PCDHA7: variants seen among roughly 807,000 people sequenced by gnomAD.
PCDHA7 encodes the protein protocadherin alpha 7, also known as protocadherin alpha-7.
A neutral mutation model predicts 57.2 loss-of-function variants in PCDHA7; 37 were observed. The observed-to-expected ratio is 0.65, with a 90% CI of 0.50 to 0.85. The LOEUF is 0.85. PCDHA7 is among the 40% of genes least tolerant of loss of function. PCDHA7 has a pLI of 0.00. For missense variants in PCDHA7, 1,188 were observed against 1,241.8 expected (o/e 0.96, Z 0.65); for synonymous variants, 553 against 558.8 (o/e 0.99, Z 0.15).
intron 1 of PCDHA7, among the ~76,000 whole-genome samples, chr5:140,938,751 C>A (rs943916265): frequency 6.6e-6 from 1 of 151,978 alleles, no homozygotes; most frequent in Non-Finnish European, 1.5e-5. Flanking sequence ...TTTTTAAAGG[C>A]ATAGTTATTG....
At chr5:140,882,153 AAT>A in intron 1 of PCDHA7, 1 of 1,505,320 alleles carries the variant, frequency 6.6e-7, no homozygotes, top group South Asian at 1.4e-5. Context: ...CAGAAAGCGG[AAT>A]ACCTCTTGCG....
At chr5:140,876,956 T>A in intron 1 of PCDHA7, 1 of 1,613,342 alleles carries the variant, frequency 6.2e-7, no homozygotes, top group Non-Finnish European at 8.5e-7. Flanking sequence ...TACTCGCTGG[T>A]GGAGCGGCGG....
chr5:140,882,406 C>T, intron 1 of PCDHA7: 3 of 1,614,138 alleles, frequency 1.9e-6, no homozygotes, highest in Non-Finnish European at 2.5e-6. Context: ...CCTTCGTGGG[C>T]CGCATCGCTC....
At chr5:140,906,872 C>T (rs1421521976) in intron 1 of PCDHA7, among the ~76,000 whole-genome samples, 4 of 152,230 alleles carry the variant, frequency 2.6e-5, no homozygotes, top group African/African-American at 9.6e-5. Flanking sequence ...CCAGCCAACA[C>T]TGTAACTTCC....
intron 1 of PCDHA7, chr5:140,850,645 T>C: frequency 1.3e-6 from 2 of 1,598,542 alleles, no homozygotes; most frequent in South Asian, 1.1e-5. Context: ...ACGCTGCTGC[T>C]GTACACTGTG....
chr5:140,853,605 G>C lies in PCDHA7; in HGVS notation c.2355+16867G>C, dbSNP rs773791072. ...TCTTAGACACTTTGAGAGCAAAGGG[G>C]GTGCTGTAAATAAGTATACAAGATC... On this transcript the variant is annotated intron_variant, in intron 1 of 3. Coordinates refer to ENST00000525929, the MANE Select transcript of PCDHA7 (RefSeq NM_018910.3). The C allele has an allele frequency of 3.1e-5, 31 of 987,206 alleles. 2 individuals carry two copies. The highest frequency in any genetic ancestry group is 3.7e-5 in the Non-Finnish European group (30 of 819,622). The allele number at this position is 987,206 out of a possible 1,614,324, so 61.2% of individuals were successfully genotyped here.
chr5:140,888,487 ACT>A (rs1486157760), intron 1 of PCDHA7, among the ~76,000 whole-genome samples: 1 of 152,162 alleles, frequency 6.6e-6, no homozygotes, highest in Non-Finnish European at 1.5e-5. Flanking sequence ...CTGTTGAGAA[ACT>A]CTGCTTTAAA....
In PCDHA7 at chr5:140,857,333, G is replaced by A. The variant is rs200210897; in HGVS notation, c.2355+20595G>A. 35 of 1,598,586 alleles carry A rather than the reference G, an allele frequency of 2.2e-5. 1 individual carries two copies. The highest frequency in any genetic ancestry group is 4.4e-5 in the South Asian group (4 of 90,524). On this transcript the variant is annotated intron_variant, in intron 1 of 3. Coordinates refer to ENST00000525929, the MANE Select transcript of PCDHA7 (RefSeq NM_018910.3). ...TGAGCTGGTGGTGACCGCGCGGGAC[G>A]GGGGCTCGCCTCCGCTGTGGGCCAC... is the stretch of plus-strand genomic sequence containing the variant.
chr5:141,000,421 A>AT lies in PCDHA7; in HGVS notation c.2504-9183dup, dbSNP rs34755515. Reference sequence around the variant, plus strand: ...TATATATATATATATATATATATATATTTTTTTTTTTTTTTTTTTTTTTGA... The same window carrying AT: ...TATATATATATATATATATATATATATTTTTTTTTTTTTTTTTTTTTTTTGA... On this transcript the variant is annotated intron_variant, in intron 3 of 3. Transcript: ENST00000525929. 8.6e-3 allele frequency among the ~76,000 whole-genome samples: 241 copies of AT among 27,996 alleles called. 11 individuals carry two copies. The highest frequency in any genetic ancestry group is 9.4e-3 in the African/African-American group (53 of 5,644). The allele number at this position is 27,996 out of a possible 152,430, so 18.4% of individuals were successfully genotyped here.
At chr5:140,869,180 T>TG in intron 1 of PCDHA7, 1 of 1,613,322 alleles carries the variant, frequency 6.2e-7, no homozygotes. Context: ...TTCTGGGAGG[T>TG]GGGGAGCGGC....
intron 1 of PCDHA7, chr5:140,843,519 G>T (rs2150361744): frequency 6.3e-7 from 1 of 1,595,904 alleles, no homozygotes; most frequent in Non-Finnish European, 8.6e-7. Context: ...GGCGGGTGCC[G>T]GGCGGGCAAG....
At chr5:140,967,815 A>G in intron 1 of PCDHA7, 1 of 1,614,180 alleles carries the variant, frequency 6.2e-7, no homozygotes. Context: ...GGTCACTGCA[A>G]GGTGCTGGTG....
intron 1 of PCDHA7, chr5:140,968,646 C>T (rs2153772882): frequency 6.2e-7 from 1 of 1,614,216 alleles, no homozygotes; most frequent in Non-Finnish European, 8.5e-7. Context: ...CTAGCCCAGA[C>T]TTCTGACCTG....
In PCDHA7 at chr5:140,851,659, C is replaced by T; in HGVS notation, c.2355+14921C>T. The T allele has an allele frequency of 2.2e-6, 2 of 912,906 alleles. 1 individual carries two copies. Among genetic ancestry groups the T allele is most frequent in the Non-Finnish European group, 2.7e-6 (2 of 750,030 alleles). 56.6% of individuals were successfully genotyped at this position (912,906 alleles called of 1,614,324 possible). On this transcript the variant is annotated intron_variant, in intron 1 of 3. Coordinates refer to ENST00000525929, the MANE Select transcript of PCDHA7 (RefSeq NM_018910.3). The stretch of plus-strand genomic sequence containing the variant: ...TTCCTTTCTTCAAGAAGACATTCTC[C>T]TTTTAATTGAAATTTTCTCCATTCA...
intron 1 of PCDHA7, chr5:140,882,249 T>C (rs1412428548): frequency 6.3e-7 from 1 of 1,595,264 alleles, no homozygotes; most frequent in Non-Finnish European, 8.5e-7. Flanking sequence ...CAGATAGCTC[T>C]GAGGTTTTTG....
At chr5:140,870,141 T>C in intron 1 of PCDHA7, 1 of 1,613,952 alleles carries the variant, frequency 6.2e-7, no homozygotes, top group Non-Finnish European at 8.5e-7. Flanking sequence ...ACGATAACTC[T>C]CCTGAAGTCG....
chr5:140,868,980 G>T (rs2050777662), intron 1 of PCDHA7: 5 of 1,489,988 alleles, frequency 3.4e-6, no homozygotes, highest in South Asian at 1.4e-5. Context: ...CCATCATACC[G>T]GATGCCACCG....
intron 1 of PCDHA7, among the ~76,000 whole-genome samples, chr5:140,974,423 C>T (rs2096627451): frequency 6.6e-6 from 1 of 152,166 alleles, no homozygotes; most frequent in Non-Finnish European, 1.5e-5. Flanking sequence ...ATTTTACTTT[C>T]CTGGTTTGTA....
chr5:140,986,074 T>C (rs1342378005), intron 3 of PCDHA7, among the ~76,000 whole-genome samples: 1 of 152,124 alleles, frequency 6.6e-6, no homozygotes, highest in African/African-American at 2.4e-5. Context: ...AAAGAAACTG[T>C]TCATTTATTT....
Sources: gnomAD v4.1 joint callset for allele counts (sites outside exome capture counted in the v4.1 genomes callset) on GRCh38, gnomAD v4.1.1 for gene constraint, MANE v1.5 for transcripts, NCBI Gene and HGNC (gene_info 2026-07-23, HGNC 2026-07-21) for gene names.